Variants in DCAF8L2 observed in about 807,000 individuals in gnomAD.
DCAF8L2 encodes the protein DDB1- and CUL4-associated factor 8-like protein 2.
For synonymous variants in DCAF8L2, 200 were observed against 190.9 expected (o/e 1.05, Z -0.39); for missense variants, 430 against 490.7 (o/e 0.88, Z 1.17).
At chrX:27,561,116 C>T in the DCAF8L2 span, among the ~76,000 whole-genome samples, 1 of 112,237 alleles carries the variant, frequency 8.9e-6, no homozygotes, top group Non-Finnish European at 1.9e-5. Flanking sequence ...TGTCCCAGCA[C>T]GGGACTAGTG....
At chrX:27,720,663 G>T (rs931048748) in intron 4 of DCAF8L2, among the ~76,000 whole-genome samples, 1 of 111,870 alleles carries the variant, frequency 8.9e-6, no homozygotes, top group Non-Finnish European at 1.9e-5. Context: ...GTGAGCCACC[G>T]CGCCCTGCCG....
chrX:27,580,086 G>A, the DCAF8L2 span, among the ~76,000 whole-genome samples: 2 of 109,798 alleles, frequency 1.8e-5, no homozygotes, highest in Non-Finnish European at 3.8e-5. Context: ...AAGCTTTTTT[G>A]GGTCTTCAGT....
At chrX:27,484,827 G>A in the DCAF8L2 span, among the ~76,000 whole-genome samples, 7 of 111,099 alleles carry the variant, frequency 6.3e-5, no homozygotes, top group African/African-American at 1.3e-4. Flanking sequence ...CATACAAGGC[G>A]GCAGGGGAGA....
intron 2 of DCAF8L2, among the ~76,000 whole-genome samples, chrX:27,676,453 C>A (rs987317142): frequency 2.7e-5 from 3 of 110,810 alleles, no homozygotes; most frequent in African/African-American, 9.8e-5. Flanking sequence ...TCTACTTATA[C>A]AATATTAGAA....
chrX:27,598,974 A>AT (rs56388041), intron 1 of DCAF8L2, among the ~76,000 whole-genome samples: 1,589 of 92,161 alleles, frequency 0.017, 21 homozygotes, highest in Middle Eastern at 0.039. Flanking sequence ...AAAAAAAAAA[A>AT]ATATATATAT....
chrX:27,630,610 A>C (rs1476098268), intron 1 of DCAF8L2, among the ~76,000 whole-genome samples: 1 of 112,248 alleles, frequency 8.9e-6, no homozygotes, highest in Non-Finnish European at 1.9e-5. Context: ...ATAGATTCAA[A>C]AATCCTCAAA....
intron 1 of DCAF8L2, among the ~76,000 whole-genome samples, chrX:27,599,967 C>A (rs778211848): frequency 8.9e-6 from 1 of 111,831 alleles, no homozygotes; most frequent in South Asian, 3.7e-4. Context: ...CAAGTTTAAA[C>A]CTAAGTATTT....
At chrX:27,685,852 C>A (rs1267758923) in intron 3 of DCAF8L2, among the ~76,000 whole-genome samples, 1 of 111,477 alleles carries the variant, frequency 9.0e-6, no homozygotes, top group Non-Finnish European at 1.9e-5. Flanking sequence ...GGATTAATAC[C>A]AAGAATATAT....
chrX:27,617,703 C>G (rs995697192), intron 1 of DCAF8L2, among the ~76,000 whole-genome samples: 1 of 110,941 alleles, frequency 9.0e-6, no homozygotes, highest in Non-Finnish European at 1.9e-5. Context: ...TGTCAGCTAC[C>G]TAGTGATTAG....
At chrX:27,527,632 G>A in the DCAF8L2 span, among the ~76,000 whole-genome samples, 17 of 110,402 alleles carry the variant, frequency 1.5e-4, no homozygotes, top group Non-Finnish European at 2.3e-4. Flanking sequence ...GGGAGCTGTA[G>A]ACTGGAGCTA....
the DCAF8L2 span, among the ~76,000 whole-genome samples, chrX:27,578,439 A>G: frequency 8.9e-6 from 1 of 112,071 alleles, no homozygotes; most frequent in African/African-American, 3.2e-5. Context: ...TACACATAAA[A>G]GCCAAAACTA....
intron 2 of DCAF8L2, among the ~76,000 whole-genome samples, chrX:27,634,694 T>C (rs1834943739): frequency 9.0e-6 from 1 of 111,230 alleles, no homozygotes; most frequent in Non-Finnish European, 1.9e-5. Flanking sequence ...TGGAAAATTC[T>C]ACACCTGACC....
the DCAF8L2 span, among the ~76,000 whole-genome samples, chrX:27,551,347 T>C: frequency 9.1e-6 from 1 of 110,396 alleles, no homozygotes; most frequent in Non-Finnish European, 1.9e-5. Context: ...CAGCAAAAGA[T>C]TATGACTCAC....
rs1407006138 is a variant in DCAF8L2, at chrX:27,715,267, T to G, written c.-142-821T>G. Reference sequence around the variant, plus strand: ...ATTAGCTGGGTTGGTGGCAGGAGGCTGAGGCAGGAGAATGGCGTGAACCCG... The same window carrying G: ...ATTAGCTGGGTTGGTGGCAGGAGGCGGAGGCAGGAGAATGGCGTGAACCCG... On this transcript the variant is annotated intron_variant, in intron 3 of 4. Coordinates refer to ENST00000451261, the MANE Select transcript of DCAF8L2 (RefSeq NM_001353450.2). Among the ~76,000 whole-genome samples the G allele has an allele frequency of 2.8e-5, 3 of 106,015 alleles. No homozygotes were observed. The East Asian group carries it at 8.9e-4, about 31-fold the overall frequency. 92.1% of individuals were successfully genotyped at this position (106,015 alleles called of 115,157 possible). A position where few individuals can be genotyped will look rare whatever the true frequency, so the allele number is the denominator to read the frequency against.
chrX:27,638,764 A>G (rs1928595088), intron 2 of DCAF8L2, among the ~76,000 whole-genome samples: 2 of 111,753 alleles, frequency 1.8e-5, no homozygotes, highest in Admixed American at 9.5e-5. Context: ...GGACTAATGC[A>G]TTAATGTAGA....
chrX:27,485,987 A>G, the DCAF8L2 span, among the ~76,000 whole-genome samples: 106 of 96,184 alleles, frequency 1.1e-3, 1 homozygote, highest in African/African-American at 4.1e-3. Flanking sequence ...CGTTATAATA[A>G]TATCGTATTA....
chrX:27,713,041 G>T (rs751997210), intron 3 of DCAF8L2, among the ~76,000 whole-genome samples: 2 of 111,624 alleles, frequency 1.8e-5, no homozygotes, highest in Non-Finnish European at 3.8e-5. Flanking sequence ...CCAGTGTACA[G>T]AATTTGAGGA....
At chrX:27,681,975 GT>G (rs997959504) in intron 3 of DCAF8L2, among the ~76,000 whole-genome samples, 1 of 111,182 alleles carries the variant, frequency 9.0e-6, no homozygotes, top group African/African-American at 3.3e-5. Flanking sequence ...TTTTGTTGTT[GT>G]TTTTTGAGAC....
intron 4 of DCAF8L2, among the ~76,000 whole-genome samples, chrX:27,737,558 A>C (rs757247607): frequency 8.9e-6 from 1 of 111,851 alleles, no homozygotes; most frequent in African/African-American, 3.2e-5. Context: ...ATGCTCAAAT[A>C]TCTTTCCTGG....
Sources: allele counts gnomAD v4.1 joint callset (sites outside exome capture counted in the v4.1 genomes callset), GRCh38; gene constraint gnomAD v4.1.1; transcripts MANE v1.5; gene names NCBI Gene and HGNC (gene_info 2026-07-23, HGNC 2026-07-21).